FSTL4: variants seen among roughly 807,000 people sequenced by gnomAD.
FSTL4 encodes follistatin like 4.
A neutral mutation model predicts 78.2 loss-of-function variants in FSTL4; 28 were observed. The ratio of observed to expected loss-of-function variants is 0.36; its 90% CI spans 0.27 to 0.49. The LOEUF (loss-of-function observed/expected upper bound fraction) is 0.49. Ranked by LOEUF, FSTL4 falls within the 20% of genes least tolerant of loss-of-function variation. FSTL4 has a pLI of 0.98. For synonymous variants in FSTL4, 422 were observed against 440.5 expected (o/e 0.96, Z 0.53); for missense variants, 922 against 1,084.9 (o/e 0.85, Z 2.11).
intron 4 of FSTL4, among the ~76,000 whole-genome samples, chr5:133,368,107 C>T (rs971011391): frequency 6.6e-6 from 1 of 152,248 alleles, no homozygotes; most frequent in African/African-American, 2.4e-5. Flanking sequence ...GACTGTGCTG[C>T]CTGATAAGAG....
chr5:133,298,243 A>G (rs543236107), intron 6 of FSTL4, among the ~76,000 whole-genome samples: 5 of 152,350 alleles, frequency 3.3e-5, no homozygotes, highest in Admixed American at 2.6e-4. Context: ...TGAATGCTGT[A>G]TGATTACCTG....
chr5:133,721,792 A>G, the FSTL4 span, among the ~76,000 whole-genome samples: 1 of 152,098 alleles, frequency 6.6e-6, no homozygotes, highest in African/African-American at 2.4e-5. Context: ...GGAACCTTTG[A>G]GCATCATGAA....
At chr5:133,818,960 C>T in the FSTL4 span, among the ~76,000 whole-genome samples, 133 of 26,136 alleles carry the variant, frequency 5.1e-3, 1 homozygote, top group African/African-American at 0.012. Flanking sequence ...CACACACACA[C>T]ACGTACGCAT....
the FSTL4 span, among the ~76,000 whole-genome samples, chr5:133,638,581 C>T: frequency 1.3e-5 from 2 of 152,184 alleles, no homozygotes; most frequent in African/African-American, 4.8e-5. Flanking sequence ...CTCTTCCAGA[C>T]CCTGCTTCTC....
the FSTL4 span, among the ~76,000 whole-genome samples, chr5:133,634,462 A>G: frequency 6.6e-6 from 1 of 151,496 alleles, no homozygotes; most frequent in Admixed American, 6.6e-5. Flanking sequence ...TCTGGAACAT[A>G]TGAGGCAAAG....
At chr5:133,601,363 G>C (rs149747108) in intron 2 of FSTL4, among the ~76,000 whole-genome samples, 1 of 152,196 alleles carries the variant, frequency 6.6e-6, no homozygotes, top group East Asian at 1.9e-4. Flanking sequence ...AAAAATAAAA[G>C]AGTAAGAAAA....
At chr5:133,444,128 C>T (rs957987733) in intron 3 of FSTL4, among the ~76,000 whole-genome samples, 1 of 152,192 alleles carries the variant, frequency 6.6e-6, no homozygotes, top group African/African-American at 2.4e-5. Context: ...CAGTGTCTGG[C>T]TCAAAGCAGG....
intron 4 of FSTL4, among the ~76,000 whole-genome samples, chr5:133,324,104 C>A (rs887206682): frequency 1.4e-4 from 21 of 152,276 alleles, no homozygotes; most frequent in African/African-American, 5.1e-4. Flanking sequence ...CTTTCTATTG[C>A]AAAACAAAGG....
intron 3 of FSTL4, among the ~76,000 whole-genome samples, chr5:133,408,224 G>A (rs1756404245): frequency 6.6e-6 from 1 of 152,112 alleles, no homozygotes; most frequent in South Asian, 2.1e-4. Context: ...CCAGAGGGAG[G>A]ACTTGCCACC....
chr5:133,269,068 G>A (rs1472273205), intron 6 of FSTL4, among the ~76,000 whole-genome samples: 1 of 151,768 alleles, frequency 6.6e-6, no homozygotes, highest in East Asian at 1.9e-4. Context: ...TGTAGTCCCA[G>A]CTACTCGGGA....
chr5:133,371,928 G>A (rs1015271671), intron 4 of FSTL4, among the ~76,000 whole-genome samples: 5 of 152,312 alleles, frequency 3.3e-5, no homozygotes, highest in Admixed American at 6.5e-5. Flanking sequence ...CTTCATCACC[G>A]GGAGGCCCAT....
chr5:133,210,091 T>C lies in FSTL4; in HGVS notation c.1716+100A>G, dbSNP rs1750654310. 3.1e-5 allele frequency: 21 copies of C among 682,036 alleles called. No individual in the cohort carries two copies. The South Asian group carries it at 3.2e-4, about 10-fold the overall frequency. The allele number at this position is 682,036 out of a possible 1,614,324, so 42.2% of individuals were successfully genotyped here. Reference sequence around the variant, plus strand: ...CCTTTATGGATATATTTTGGATAAATGTAATTAGCTACCCGGGGAAGCAGG... The same window carrying C: ...CCTTTATGGATATATTTTGGATAAACGTAATTAGCTACCCGGGGAAGCAGG... On this transcript the variant is annotated intron_variant, in intron 14 of 15. Transcript: ENST00000265342.
the FSTL4 span, among the ~76,000 whole-genome samples, chr5:133,722,832 G>T: frequency 2.6e-5 from 4 of 152,282 alleles, no homozygotes; most frequent in South Asian, 8.3e-4. Flanking sequence ...TGGGTGAAGG[G>T]ATGTAGACTC....
chr5:133,835,107 C>A, the FSTL4 span, among the ~76,000 whole-genome samples: 1 of 152,216 alleles, frequency 6.6e-6, no homozygotes, highest in South Asian at 2.1e-4. Flanking sequence ...TCCTCCTACA[C>A]ACACACAAAG....
At chr5:133,202,073 G>T (rs767663514) in intron 14 of FSTL4, 31 bp from the exon 15 acceptor site, 89 of 1,449,644 alleles carry the variant, frequency 6.1e-5, no homozygotes, top group Non-Finnish European at 8.1e-5. Context: ...CCTAGTGAGG[G>T]CCCATGCAGG....
chr5:133,335,110 T>A (rs191262672), intron 4 of FSTL4, among the ~76,000 whole-genome samples: 1 of 152,180 alleles, frequency 6.6e-6, no homozygotes, highest in Admixed American at 6.5e-5. Context: ...CGGCACCACC[T>A]CCTCATGTTG....
chr5:133,327,476 C>T (rs1368885591), intron 4 of FSTL4, among the ~76,000 whole-genome samples: 1 of 152,188 alleles, frequency 6.6e-6, no homozygotes, highest in Admixed American at 6.5e-5. Context: ...AGCTGACTGG[C>T]TCTCAGGAGG....
Position 133,582,131 on chromosome 5 carries a change from C to A in FSTL4, c.127-14912G>T, listed in dbSNP as rs532789556. Among the ~76,000 whole-genome samples the A allele has an allele frequency of 5.9e-5, 9 of 152,318 alleles. No homozygotes were observed. The East Asian group carries it at 1.7e-3, about 29-fold the overall frequency. ...CTTGGGCAGGCCCACACTCGCCTTC[C>A]ATGAGGACCGATGCCAGCTCAGTAT... On this transcript the variant is annotated intron_variant, in intron 2 of 15. Transcript: ENST00000265342.
intron 3 of FSTL4, among the ~76,000 whole-genome samples, chr5:133,424,046 C>T (rs897583463): frequency 6.6e-6 from 1 of 152,166 alleles, no homozygotes; most frequent in Non-Finnish European, 1.5e-5. Flanking sequence ...AGGGCCGAGC[C>T]GGGCTCTGCA....
Sources: allele counts gnomAD v4.1 joint callset (sites outside exome capture counted in the v4.1 genomes callset), GRCh38; gene constraint gnomAD v4.1.1; transcripts MANE v1.5; gene names NCBI Gene and HGNC (gene_info 2026-07-23, HGNC 2026-07-21).